Variants in RAB8B observed in about 807,000 individuals in gnomAD.
RAB8B encodes ras-related protein Rab-8B.
Under a neutral mutation model 32.0 loss-of-function variants are expected in RAB8B, and 11 were observed. The ratio of observed to expected loss-of-function variants is 0.34; its 90% CI spans 0.22 to 0.57. The LOEUF (loss-of-function observed/expected upper bound fraction) is 0.57. Among genes scored for constraint, RAB8B ranks in the 20% least tolerant of loss-of-function variants. The probability of loss-of-function intolerance (pLI) is 0.86; values close to 1 mark genes in which losing one functional copy is unlikely to be tolerated. For synonymous variants in RAB8B, 103 were observed against 89.6 expected (o/e 1.15, Z -0.85); for missense variants, 190 against 258.5 (o/e 0.73, Z 1.82).
chr15:63,202,466 C>T (rs1180845021), intron 1 of RAB8B, among the ~76,000 whole-genome samples: 1 of 152,176 alleles, frequency 6.6e-6, no homozygotes, highest in Admixed American at 6.5e-5. Flanking sequence ...CGGTTTCTAA[C>T]TCAGGCCCTT....
At chr15:63,215,682 G>A (rs2037785929) in intron 1 of RAB8B, among the ~76,000 whole-genome samples, 1 of 152,132 alleles carries the variant, frequency 6.6e-6, no homozygotes, top group Admixed American at 6.5e-5. Context: ...ACTGAAAGTT[G>A]AAGTGGGAAT....
rs557546356 is a variant in RAB8B, at chr15:63,259,273, C to G, written c.415-354C>G. On this transcript the variant is annotated intron_variant, in intron 5 of 7. Transcript: ENST00000321437. This position sits in a 1 kb window ranked among gnomAD's most constrained non-coding sequence, Gnocchi z 4.4. ...TAGCTGGGACTACAGGCGGGTGCCA[C>G]CACGCCCGGCTAATTTTTTGTATTT... Among the ~76,000 whole-genome samples the G allele has an allele frequency of 1.7e-3, 261 of 152,102 alleles. No homozygotes were observed. Among genetic ancestry groups the G allele is most frequent in the African/African-American group, 5.8e-3 (241 of 41,512 alleles).
chr15:63,239,898 A>G (rs1353683863), intron 1 of RAB8B, among the ~76,000 whole-genome samples: 3 of 152,174 alleles, frequency 2.0e-5, no homozygotes, highest in Non-Finnish European at 4.4e-5. Context: ...ATAAAACCCA[A>G]TAACACAGGA....
At chr15:63,208,330 C>T (rs2037716449) in intron 1 of RAB8B, among the ~76,000 whole-genome samples, 1 of 152,152 alleles carries the variant, frequency 6.6e-6, no homozygotes, top group Non-Finnish European at 1.5e-5. Flanking sequence ...ATTTTTAAGT[C>T]TCTGAGTTGA....
At chr15:63,240,935 C>G (rs2038027360) in intron 1 of RAB8B, among the ~76,000 whole-genome samples, 1 of 152,008 alleles carries the variant, frequency 6.6e-6, no homozygotes, top group African/African-American at 2.4e-5. Flanking sequence ...CCCATGACTT[C>G]TAATTACAGG....
chr15:63,192,008 A>G (rs1321952602), intron 1 of RAB8B, among the ~76,000 whole-genome samples: 1 of 152,234 alleles, frequency 6.6e-6, no homozygotes, highest in African/African-American at 2.4e-5. Flanking sequence ...ACAGATTAGA[A>G]TAGGAAGTGA....
intron 2 of RAB8B, among the ~76,000 whole-genome samples, chr15:63,245,980 C>T (rs1251985042): frequency 6.6e-6 from 1 of 152,174 alleles, no homozygotes; most frequent in Non-Finnish European, 1.5e-5. Flanking sequence ...TCAAGCGATT[C>T]TCCTGCCTCA....
At chr15:63,199,318 A>G (rs1013310003) in intron 1 of RAB8B, among the ~76,000 whole-genome samples, 5 of 152,226 alleles carry the variant, frequency 3.3e-5, no homozygotes, top group Admixed American at 6.5e-5. Context: ...TTTGAGAATT[A>G]ATAGTGACCT....
chr15:63,199,617 G>C (rs2037631050), intron 1 of RAB8B, among the ~76,000 whole-genome samples: 1 of 151,986 alleles, frequency 6.6e-6, no homozygotes, highest in African/African-American at 2.4e-5. Context: ...TCAGAGTTAT[G>C]TCTTTATTTT....
At chr15:63,251,937 C>T (rs1409218750) in intron 3 of RAB8B, among the ~76,000 whole-genome samples, 1 of 151,986 alleles carries the variant, frequency 6.6e-6, no homozygotes, top group Non-Finnish European at 1.5e-5. Context: ...TGTTGACAAG[C>T]ACTATACTGG....
At chr15:63,199,406 G>A (rs552553481) in intron 1 of RAB8B, among the ~76,000 whole-genome samples, 34 of 152,300 alleles carry the variant, frequency 2.2e-4, no homozygotes, top group African/African-American at 7.9e-4. Context: ...GCCATAGCCA[G>A]TAATGAACAC....
chr15:63,219,495 T>C (rs1171325718), intron 1 of RAB8B, among the ~76,000 whole-genome samples: 1 of 150,228 alleles, frequency 6.7e-6, no homozygotes, highest in Non-Finnish European at 1.5e-5. Flanking sequence ...GACAAGAACA[T>C]GACAACAGAT....
chr15:63,204,618 C>T (rs896579542), intron 1 of RAB8B, among the ~76,000 whole-genome samples: 5 of 152,100 alleles, frequency 3.3e-5, no homozygotes, highest in Admixed American at 1.3e-4. Flanking sequence ...TACATTAAAT[C>T]TTAAAACATG....
At position 63,214,936 on chromosome 15, in the gene RAB8B, C is replaced by T. The variant is rs567598531; in HGVS notation, c.124+25188C>T. Among the ~76,000 whole-genome samples, 58 of 152,300 alleles carry T rather than the reference C, an allele frequency of 3.8e-4. 1 individual carries two copies. The South Asian group carries it at 0.012, about 31-fold the overall frequency. ...TCTTTAAAATTGAGTAGGGCATCTA[C>T]AGCTCTCTGTCCTCAGACCTTCCAC... On this transcript the variant is annotated intron_variant, in intron 1 of 7. Transcript: ENST00000321437.
intron 1 of RAB8B, among the ~76,000 whole-genome samples, chr15:63,231,884 C>T (rs1300643895): frequency 6.6e-6 from 1 of 152,094 alleles, no homozygotes; most frequent in Non-Finnish European, 1.5e-5. Flanking sequence ...CTCTAAAATC[C>T]ACATTTTGAC....
At chr15:63,214,289 T>C (rs1000012683) in intron 1 of RAB8B, among the ~76,000 whole-genome samples, 1 of 137,386 alleles carries the variant, frequency 7.3e-6, no homozygotes, top group Non-Finnish European at 1.6e-5. Flanking sequence ...TTTCTTTCTT[T>C]TTTTTTTTTT....
At position 63,248,189 on chromosome 15, in the gene RAB8B, A is replaced by C. The variant is rs150086983; in HGVS notation, c.186-1456A>C. On this transcript the variant is annotated intron_variant, in intron 2 of 7. Coordinates refer to ENST00000321437, the MANE Select transcript of RAB8B (RefSeq NM_016530.3). This position sits in a 1 kb window ranked among gnomAD's most constrained non-coding sequence, Gnocchi z 4.4. Reference sequence around the variant, plus strand: ...TGTAAGGCCTGGCCCAGAGCTGAACAGCTGAGACCTAAGATGCTTGTCTCC... The same window carrying C: ...TGTAAGGCCTGGCCCAGAGCTGAACCGCTGAGACCTAAGATGCTTGTCTCC... Among the ~76,000 whole-genome samples, 1 of 152,358 alleles carries C rather than the reference A, an allele frequency of 6.6e-6. No individual in the cohort carries two copies. The highest frequency in any genetic ancestry group is 2.4e-5 in the African/African-American group (1 of 41,584).
chr15:63,230,951 T>G (rs778051230), intron 1 of RAB8B, among the ~76,000 whole-genome samples: 1 of 152,208 alleles, frequency 6.6e-6, no homozygotes, highest in East Asian at 1.9e-4. Flanking sequence ...TTTTCTCTAC[T>G]GCCTCTAGTA....
intron 1 of RAB8B, among the ~76,000 whole-genome samples, chr15:63,232,581 G>A (rs755210090): frequency 6.6e-6 from 1 of 152,148 alleles, no homozygotes; most frequent in East Asian, 1.9e-4. Flanking sequence ...AGCAGGAAGT[G>A]GTAATGTGTG....
Sources: allele counts gnomAD v4.1 joint callset (sites outside exome capture counted in the v4.1 genomes callset), GRCh38; gene constraint gnomAD v4.1.1; non-coding constraint Gnocchi (gnomAD v3.1); transcripts MANE v1.5; gene names NCBI Gene and HGNC (gene_info 2026-07-23, HGNC 2026-07-21).